The following FHIT variants were observed in gnomAD, a reference collection of about 807,000 sequenced individuals.
FHIT encodes the protein fragile histidine triad diadenosine triphosphatase.
Under a neutral mutation model 17.9 loss-of-function variants are expected in FHIT, and 19 were observed. The ratio of observed to expected loss-of-function variants is 1.06; its 90% CI spans 0.74 to 1.56. The LOEUF (loss-of-function observed/expected upper bound fraction) is 1.56, where lower values mean the gene tolerates loss of function less well. Among genes scored for constraint, FHIT ranks in the 40% most tolerant of loss-of-function variants. The pLI is 0.00. For missense variants in FHIT, 248 were observed against 189.2 expected (o/e 1.31, Z -1.82); for synonymous variants, 81 against 69.7 (o/e 1.16, Z -0.81).
intron 3 of FHIT, among the ~76,000 whole-genome samples, chr3:60,965,973 TA>T (rs1553783182): frequency 6.6e-6 from 1 of 152,156 alleles, no homozygotes; most frequent in Non-Finnish European, 1.5e-5. Flanking sequence ...AGCTGTCAGA[TA>T]GGGACGTTTA....
intron 5 of FHIT, among the ~76,000 whole-genome samples, chr3:60,238,956 C>T (rs534710764): frequency 3.3e-5 from 5 of 152,124 alleles, no homozygotes; most frequent in Non-Finnish European, 4.4e-5. Context: ...TTTTCTAAAA[C>T]ATGGTCCAAG....
At chr3:60,036,276 C>T (rs2106809845) in intron 5 of FHIT, among the ~76,000 whole-genome samples, 1 of 152,316 alleles carries the variant, frequency 6.6e-6, no homozygotes, top group East Asian at 1.9e-4. Flanking sequence ...ATTCCACCTC[C>T]TCCTAAAAGA....
intron 3 of FHIT, among the ~76,000 whole-genome samples, chr3:60,834,361 G>A (rs1702446787): frequency 1.3e-5 from 2 of 152,160 alleles, no homozygotes; most frequent in Non-Finnish European, 2.9e-5. Flanking sequence ...GGTTAATAAT[G>A]TTGAACATCT....
rs1161710358 is a variant in FHIT, at chr3:59,748,878, A to G, written c.*707T>C. ...GTCTACATCTTATAAATTCTTAGCAAGTGTGTTGGCTAGTGTTATCAATTC... is the reference window on the plus strand; with the variant it reads ...GTCTACATCTTATAAATTCTTAGCAGGTGTGTTGGCTAGTGTTATCAATTC... On this transcript the variant is annotated 3_prime_UTR_variant, in exon 10 of 10. Coordinates refer to ENST00000492590, the MANE Select transcript of FHIT (RefSeq NM_002012.4). 6.6e-6 allele frequency among the ~76,000 whole-genome samples: 1 copy of G among 152,156 alleles called. No homozygotes were observed.
chr3:60,314,199 G>A (rs562455625), intron 5 of FHIT, among the ~76,000 whole-genome samples: 1 of 152,222 alleles, frequency 6.6e-6, no homozygotes, highest in African/African-American at 2.4e-5. Context: ...TTTACAAAGA[G>A]GCCTGTTGGG....
At chr3:59,751,783 CG>C in intron 9 of FHIT, 1 of 236,208 alleles carries the variant, frequency 4.2e-6, no homozygotes, top group African/African-American at 2.2e-5. Flanking sequence ...GGAGTTTGCC[CG>C]GGGGCGTGTT....
At chr3:60,384,929 C>T (rs1288885243) in intron 5 of FHIT, among the ~76,000 whole-genome samples, 3 of 151,818 alleles carry the variant, frequency 2.0e-5, no homozygotes, top group Admixed American at 6.6e-5. Flanking sequence ...CTTTCTTTCG[C>T]TCTATACAGT....
intron 5 of FHIT, among the ~76,000 whole-genome samples, chr3:60,403,055 T>C (rs1701723787): frequency 6.6e-6 from 1 of 152,200 alleles, no homozygotes; most frequent in African/African-American, 2.4e-5. Context: ...AGCATATGAA[T>C]AATACACTCT....
chr3:61,206,795 T>C, intron 1 of FHIT, among the ~76,000 whole-genome samples: 1 of 152,156 alleles, frequency 6.6e-6, no homozygotes, highest in Non-Finnish European at 1.5e-5. Context: ...CTTTTCCTAA[T>C]TCAATACCCT....
chr3:60,003,630 A>G (rs1040981869), intron 7 of FHIT, among the ~76,000 whole-genome samples: 1 of 152,108 alleles, frequency 6.6e-6, no homozygotes, highest in African/African-American at 2.4e-5. Context: ...CTGTAGTCCT[A>G]GTTACTCAGG....
intron 5 of FHIT, among the ~76,000 whole-genome samples, chr3:60,424,258 C>T (rs770342555): frequency 6.6e-6 from 1 of 152,084 alleles, no homozygotes; most frequent in Non-Finnish European, 1.5e-5. Context: ...GTGCTCTTAG[C>T]CACTAGACTA....
chr3:60,621,892 T>C (rs977846048), intron 4 of FHIT, among the ~76,000 whole-genome samples: 2 of 151,448 alleles, frequency 1.3e-5, no homozygotes, highest in Non-Finnish European at 2.9e-5. Context: ...AAAAATACAA[T>C]TACATGGTCT....
chr3:60,332,211 G>A (rs995092153), intron 5 of FHIT, among the ~76,000 whole-genome samples: 1 of 152,188 alleles, frequency 6.6e-6, no homozygotes, highest in South Asian at 2.1e-4. Flanking sequence ...TGGTATGAGA[G>A]AGGTTAAGAA....
intron 4 of FHIT, among the ~76,000 whole-genome samples, chr3:60,666,669 G>A (rs549962096): frequency 5.9e-5 from 9 of 151,902 alleles, no homozygotes; most frequent in Middle Eastern, 3.4e-3. Context: ...TCAAATACTC[G>A]TGTTTATTTG....
chr3:59,998,705 G>A lies in FHIT; in HGVS notation c.279+12666C>T, dbSNP rs529074008. Among the ~76,000 whole-genome samples the A allele has an allele frequency of 1.4e-4, 22 of 152,238 alleles. No homozygotes were observed. The East Asian group carries it at 3.7e-3, about 25-fold the overall frequency. On this transcript the variant is annotated intron_variant, in intron 7 of 9. Coordinates refer to ENST00000492590, the MANE Select transcript of FHIT (RefSeq NM_002012.4). ...CCAACACAGGAAATAAGGACACAGA[G>A]GGAAGGGTGGAAGGTCACCTGAGAA...
At chr3:60,429,072 A>G (rs1204619232) in intron 5 of FHIT, among the ~76,000 whole-genome samples, 2 of 152,054 alleles carry the variant, frequency 1.3e-5, no homozygotes, top group Admixed American at 1.3e-4. Context: ...CAGCACTGAG[A>G]CCTAGTTATC....
intron 4 of FHIT, among the ~76,000 whole-genome samples, chr3:60,708,893 AG>A (rs531218376): frequency 5.9e-5 from 9 of 152,216 alleles, no homozygotes; most frequent in Non-Finnish European, 1.0e-4. Context: ...GGGGGGCTGT[AG>A]CTAGTAACAT....
intron 7 of FHIT, among the ~76,000 whole-genome samples, chr3:59,968,462 A>G (rs1358609172): frequency 8.0e-5 from 12 of 150,502 alleles, no homozygotes; most frequent in Admixed American, 7.9e-4. Context: ...AAAAGACACA[A>G]AAAGGAAAAA....
chr3:60,065,258 A>G (rs191926), intron 5 of FHIT, among the ~76,000 whole-genome samples: 51,073 of 151,768 alleles, frequency 0.34, 10,514 homozygotes, highest in African/African-American at 0.59. Context: ...AATGCTTAGT[A>G]CTTAAAGAAA....
Sources: gnomAD v4.1 joint callset for allele counts (sites outside exome capture counted in the v4.1 genomes callset) on GRCh38, gnomAD v4.1.1 for gene constraint, MANE v1.5 for transcripts, NCBI Gene and HGNC (gene_info 2026-07-23, HGNC 2026-07-21) for gene names.